Variants in CDC42 observed in about 807,000 individuals in gnomAD.
CDC42 encodes cell division cycle 42.
A neutral mutation model predicts 20.8 loss-of-function variants in CDC42; 1 was observed. The observed-to-expected ratio is 0.05, with a 90% CI of 0.02 to 0.23. The LOEUF (loss-of-function observed/expected upper bound fraction) is 0.23. Ranked by LOEUF, CDC42 falls within the 10% of genes least tolerant of loss-of-function variation. The pLI, the probability that CDC42 is intolerant of heterozygous loss-of-function variation, is 1.00. For synonymous variants in CDC42, 72 were observed against 84.8 expected (o/e 0.85, Z 0.83); for missense variants, 49 against 227.9 (o/e 0.21, Z 5.05).
At chr1:22,081,092 C>G (rs1645602452) in intron 2 of CDC42, among the ~76,000 whole-genome samples, 1 of 152,092 alleles carries the variant, frequency 6.6e-6, no homozygotes, top group South Asian at 2.1e-4. Context: ...TCGCTTGATC[C>G]CAGGAGGCAG....
chr1:22,081,472 A>G (rs1426008296), intron 2 of CDC42, among the ~76,000 whole-genome samples: 1 of 152,216 alleles, frequency 6.6e-6, no homozygotes, highest in Admixed American at 6.5e-5. Flanking sequence ...TGACACCTCT[A>G]AACCTTCTCT....
intron 2 of CDC42, among the ~76,000 whole-genome samples, chr1:22,080,828 A>T (rs1645599343): frequency 6.6e-6 from 1 of 152,280 alleles, no homozygotes; most frequent in African/African-American, 2.4e-5. Flanking sequence ...GTTAAAGAAG[A>T]TGTCTTAGAT....
rs1645763111 is a variant in CDC42 at position 22,097,116 on chromosome 1, A to G, written c.*5599A>G. On this transcript the variant is annotated 3_prime_UTR_variant, in exon 6 of 6. Transcript: ENST00000656825. ...CCTGCATCTTGCACATGGTGAGGAA[A>G]GGTGAGGACATTTAGATGACCTTTG... Among the ~76,000 whole-genome samples the G allele has an allele frequency of 6.6e-6, 1 of 152,234 alleles. No homozygotes were observed. Among genetic ancestry groups the G allele is most frequent in the Admixed American group, 6.5e-5 (1 of 15,290 alleles).
At chr1:22,077,665 A>C (rs906589426) in intron 1 of CDC42, among the ~76,000 whole-genome samples, 2 of 152,192 alleles carry the variant, frequency 1.3e-5, no homozygotes, top group African/African-American at 2.4e-5. Flanking sequence ...TCAAAGATAC[A>C]TTCTGACTTT....
In CDC42 at chr1:22,100,583, G is replaced by A. The variant is rs986479581; in HGVS notation, c.*9066G>A. ...TGCTATATGTGAGGTTCTTAGCATA[G>A]TGCCTGGCAAGTAGAAGGTACTCAT... On this transcript the variant is annotated 3_prime_UTR_variant, in exon 6 of 6. Coordinates refer to ENST00000656825, the MANE Select transcript of CDC42 (RefSeq NM_001791.4). The A allele has an allele frequency of 2.0e-5, 3 of 152,244 alleles. No individual in the cohort carries two copies. The highest frequency in any genetic ancestry group is 7.2e-5 in the African/African-American group (3 of 41,448). The allele number at this position is 152,244 out of a possible 1,614,324, so 9.4% of individuals were successfully genotyped here. A position where few individuals can be genotyped will look rare whatever the true frequency, so the allele number is the denominator to read the frequency against.
chr1:22,086,369 ATGCTTTTAACACTT>A, intron 3 of CDC42, 56 bp from the exon 4 acceptor site: 1 of 978,228 alleles, frequency 1.0e-6, no homozygotes, highest in South Asian at 1.6e-5. Context: ...AATGACCAGC[ATGCTTTTAACACTT>A]TGAGGACACC....
At chr1:22,085,326 A>G (rs1036940134) in intron 3 of CDC42, among the ~76,000 whole-genome samples, 3 of 151,674 alleles carry the variant, frequency 2.0e-5, no homozygotes, top group African/African-American at 7.3e-5. Context: ...ATATCTCCCT[A>G]TGCCAATACC....
chr1:22,081,635 G>A, intron 2 of CDC42, 87 bp from the exon 3 acceptor site: 3 of 809,368 alleles, frequency 3.7e-6, no homozygotes, highest in Non-Finnish European at 6.3e-6. Flanking sequence ...GTCTTAGCAA[G>A]GAAACACTGC....
intron 5 of CDC42, chr1:22,089,987 C>T: frequency 2.5e-6 from 4 of 1,614,012 alleles, no homozygotes; most frequent in South Asian, 1.1e-5. Flanking sequence ...TAGCTGCCCT[C>T]GAGCCTCCGG....
intron 1 of CDC42, among the ~76,000 whole-genome samples, chr1:22,054,815 C>G (rs995267453): frequency 5.0e-5 from 7 of 139,496 alleles, no homozygotes; most frequent in Non-Finnish European, 9.1e-5. Flanking sequence ...TTTTCTTGAG[C>G]TTTCTATTTT....
At chr1:22,065,711 G>C (rs1377169603) in intron 1 of CDC42, among the ~76,000 whole-genome samples, 1 of 150,752 alleles carries the variant, frequency 6.6e-6, no homozygotes, top group Non-Finnish European at 1.5e-5. Flanking sequence ...CGTACACATT[G>C]AGGTGGAGCT....
chr1:22,085,114 C>T (rs1274117593), intron 3 of CDC42, among the ~76,000 whole-genome samples: 1 of 151,648 alleles, frequency 6.6e-6, no homozygotes, highest in African/African-American at 2.4e-5. Context: ...TGCCTATAGT[C>T]CCAGCTACTC....
intron 3 of CDC42, among the ~76,000 whole-genome samples, chr1:22,085,796 C>T (rs914715791): frequency 6.6e-6 from 1 of 152,060 alleles, no homozygotes; most frequent in Non-Finnish European, 1.5e-5. Context: ...TGGATTTTGT[C>T]ATCTGGGTTT....
chr1:22,067,751 GC>G (rs1447763348), intron 1 of CDC42, among the ~76,000 whole-genome samples: 2 of 152,270 alleles, frequency 1.3e-5, no homozygotes, highest in Non-Finnish European at 2.9e-5. Flanking sequence ...AGGGGACTCT[GC>G]CCTCTGGACC....
In CDC42 at chr1:22,100,122, G is replaced by T. The variant is rs950873433; in HGVS notation, c.*8605G>T. Among the ~76,000 whole-genome samples the T allele has an allele frequency of 6.6e-6, 1 of 150,854 alleles. No homozygotes were observed. The highest frequency in any genetic ancestry group is 2.0e-4 in the East Asian group (1 of 5,104). On this transcript the variant is annotated 3_prime_UTR_variant, in exon 6 of 6. Transcript: ENST00000656825. ...GCACCTTAGTGAATACCCAAGGTCT[G>T]AGGGAGGCTTGGAGCCAGCTCTGCA...
intron 1 of CDC42, among the ~76,000 whole-genome samples, chr1:22,057,709 G>A (rs1645318279): frequency 6.6e-6 from 1 of 151,114 alleles, no homozygotes; most frequent in Non-Finnish European, 1.5e-5. Flanking sequence ...ATGAAGTGGA[G>A]ATTGCTTTAC....
In CDC42 at chr1:22,091,653, T is replaced by C. The variant is rs1645716147; in HGVS notation, c.*136T>C. 3 of 530,864 alleles carry C rather than the reference T, an allele frequency of 5.7e-6. No individual in the cohort carries two copies. The Admixed American group carries it at 9.9e-5, about 18-fold the overall frequency. 32.9% of individuals were successfully genotyped at this position (530,864 alleles called of 1,614,324 possible). A position where few individuals can be genotyped will look rare whatever the true frequency, so the allele number is the denominator to read the frequency against. ...ATGCCCTGCACCTACCCACATGCACTCGTGTGAGACAAGGCCCATAGGTAT... is the reference window on the plus strand; with the variant it reads ...ATGCCCTGCACCTACCCACATGCACCCGTGTGAGACAAGGCCCATAGGTAT... On this transcript the variant is annotated 3_prime_UTR_variant, in exon 6 of 6. Coordinates refer to ENST00000656825, the MANE Select transcript of CDC42 (RefSeq NM_001791.4).
At chr1:22,077,475 C>T (rs983222933) in intron 1 of CDC42, among the ~76,000 whole-genome samples, 2 of 151,996 alleles carry the variant, frequency 1.3e-5, no homozygotes, top group Non-Finnish European at 2.9e-5. Context: ...TTAATTATAA[C>T]CCCTTTAGGA....
At chr1:22,085,269 A>G (rs578074852) in intron 3 of CDC42, among the ~76,000 whole-genome samples, 3 of 148,822 alleles carry the variant, frequency 2.0e-5, no homozygotes, top group African/African-American at 4.9e-5. Context: ...TTGCCCACAT[A>G]TGTAAGGGTT....
Sources: gnomAD v4.1 joint callset for allele counts (sites outside exome capture counted in the v4.1 genomes callset) on GRCh38, gnomAD v4.1.1 for gene constraint, MANE v1.5 for transcripts, NCBI Gene and HGNC (gene_info 2026-07-23, HGNC 2026-07-21) for gene names.